Variants in TCF12 observed in about 807,000 individuals in gnomAD.
TCF12 encodes transcription factor 12.
In TCF12, 45 loss-of-function variants were observed where a neutral mutation model predicts 86.0. The observed-to-expected ratio is 0.52, with a 90% CI of 0.41 to 0.67. TCF12 has a LOEUF of 0.67. TCF12 is among the 30% of genes least tolerant of loss of function. The pLI, the probability that TCF12 is intolerant of heterozygous loss-of-function variation, is 0.00. For synonymous variants in TCF12, 330 were observed against 299.6 expected, an observed-to-expected ratio of 1.10 and a Z score of -1.05; for missense variants, 881 against 859.9, an observed-to-expected ratio of 1.02 and a Z score of -0.31.
At chr15:57,171,399 C>T (rs773094734) in intron 6 of TCF12, among the ~76,000 whole-genome samples, 17 of 151,924 alleles carry the variant, frequency 1.1e-4, no homozygotes, top group African/African-American at 1.7e-4. Context: ...AAAAAATATA[C>T]TTTAACTAAC....
chr15:57,193,144 G>T (rs956054709), intron 7 of TCF12, among the ~76,000 whole-genome samples: 1 of 152,070 alleles, frequency 6.6e-6, no homozygotes, highest in Admixed American at 6.6e-5. Context: ...AAAAACTGAG[G>T]GTCAAAAGGG....
At chr15:57,093,194 G>GAAA (rs1805855041) in intron 5 of TCF12, among the ~76,000 whole-genome samples, 4 of 151,982 alleles carry the variant, frequency 2.6e-5, no homozygotes, top group African/African-American at 9.7e-5. Flanking sequence ...ATCAGAGTTA[G>GAAA]GTTTACAATA....
chr15:57,201,644 C>T (rs1406743617), intron 8 of TCF12, among the ~76,000 whole-genome samples: 1 of 152,166 alleles, frequency 6.6e-6, no homozygotes, highest in Non-Finnish European at 1.5e-5. Context: ...TCATAGCAGT[C>T]TATCCTGGAT....
At chr15:56,968,555 A>G (rs764525156) in intron 3 of TCF12, among the ~76,000 whole-genome samples, 2 of 152,174 alleles carry the variant, frequency 1.3e-5, no homozygotes, top group Non-Finnish European at 2.9e-5. Context: ...GCTAAGAGGA[A>G]TAAGATTGCT....
At chr15:57,217,976 G>A (rs2058400817) in intron 8 of TCF12, among the ~76,000 whole-genome samples, 1 of 152,136 alleles carries the variant, frequency 6.6e-6, no homozygotes, top group African/African-American at 2.4e-5. Context: ...TGCAGCTGCT[G>A]CTTAGCCTTT....
intron 20 of TCF12, among the ~76,000 whole-genome samples, chr15:57,283,680 A>C (rs2061799495): frequency 6.6e-6 from 1 of 152,252 alleles, no homozygotes. Flanking sequence ...AACAGAAAAA[A>C]ATATCAAGTG....
At chr15:57,015,021 G>A (rs939178872) in intron 3 of TCF12, among the ~76,000 whole-genome samples, 1 of 152,070 alleles carries the variant, frequency 6.6e-6, no homozygotes, top group African/African-American at 2.4e-5. Context: ...CAGGCGTGGT[G>A]GCTCACACCT....
chr15:57,122,143 G>T (rs577305953), intron 5 of TCF12, among the ~76,000 whole-genome samples: 2 of 145,200 alleles, frequency 1.4e-5, no homozygotes, highest in East Asian at 3.9e-4. Flanking sequence ...ATGCTTCATA[G>T]TCCTGTTCAA....
intron 3 of TCF12, among the ~76,000 whole-genome samples, chr15:56,953,448 TG>T (rs1418318515): frequency 6.6e-6 from 1 of 152,084 alleles, no homozygotes; most frequent in African/African-American, 2.4e-5. Flanking sequence ...TTCTTATAGT[TG>T]GTATGTTTCT....
Position 57,063,839 on chromosome 15 carries a change from A to C in TCF12, c.222+16A>C, listed in dbSNP as rs760809068. 1 of 1,560,598 alleles carries C rather than the reference A, an allele frequency of 6.4e-7. No individual in the cohort carries two copies. Among genetic ancestry groups the C allele is most frequent in the Non-Finnish European group, 8.8e-7 (1 of 1,140,984 alleles). On this transcript the variant is annotated intron_variant, in intron 4 of 20. Transcript: ENST00000333725. ...TTCATCTAGAGTAAGTTTGCTGATC[A>C]ACCCTTGATTAAAGCTGTAATTTGG...
intron 8 of TCF12, among the ~76,000 whole-genome samples, chr15:57,199,718 C>T (rs192619457): frequency 9.9e-4 from 151 of 152,186 alleles, no homozygotes; most frequent in Middle Eastern, 3.4e-3. Flanking sequence ...TCTTTGAGAA[C>T]CATTAGGAAA....
At chr15:57,141,022 A>T (rs1017007153) in intron 5 of TCF12, among the ~76,000 whole-genome samples, 9 of 152,138 alleles carry the variant, frequency 5.9e-5, no homozygotes, top group Admixed American at 1.3e-4. Context: ...TGTGTTTTTT[A>T]AAAAAATCAG....
intron 3 of TCF12, among the ~76,000 whole-genome samples, chr15:56,959,914 T>C (rs932855120): frequency 1.3e-5 from 2 of 152,188 alleles, no homozygotes; most frequent in African/African-American, 2.4e-5. Context: ...ATTAGCAAGA[T>C]TATTGTTCCA....
chr15:56,952,266 A>G (rs574964959), intron 3 of TCF12, among the ~76,000 whole-genome samples: 13 of 150,106 alleles, frequency 8.7e-5, no homozygotes, highest in Admixed American at 1.3e-4. Flanking sequence ...TCTTGTTTTT[A>G]TGTAATATCA....
At chr15:57,239,886 C>G (rs2059541899) in intron 12 of TCF12, among the ~76,000 whole-genome samples, 1 of 152,046 alleles carries the variant, frequency 6.6e-6, no homozygotes, top group Non-Finnish European at 1.5e-5. Flanking sequence ...GAAAAGAGAT[C>G]CTGTCCAGAT....
At chr15:57,154,202 G>A (rs532994451) in intron 5 of TCF12, among the ~76,000 whole-genome samples, 15 of 152,190 alleles carry the variant, frequency 9.9e-5, no homozygotes, top group African/African-American at 3.6e-4. Flanking sequence ...TTTTCCAGTG[G>A]TTTTTGCACA....
At position 56,926,685 on chromosome 15, in the gene TCF12, T is replaced by C. The variant is rs548644393; in HGVS notation, c.148+5587T>C. ...TCCTTAATTCCTGGGGGAGCTCATA[T>C]TTACATATTATTATCTGGAGCTGGA... On this transcript the variant is annotated intron_variant, in intron 3 of 20. Transcript: ENST00000333725. 2.2e-4 allele frequency among the ~76,000 whole-genome samples: 33 copies of C among 152,326 alleles called. 1 individual carries two copies. Among genetic ancestry groups the C allele is most frequent in the Middle Eastern group, 3.4e-3 (1 of 294 alleles).
chr15:57,271,727 A>G (rs556544190), intron 18 of TCF12, among the ~76,000 whole-genome samples: 19 of 152,254 alleles, frequency 1.2e-4, no homozygotes, highest in South Asian at 1.2e-3. Context: ...CTTGGAAGCA[A>G]CCCACCTCGG....
chr15:57,107,096 C>A (rs950254127), intron 5 of TCF12, among the ~76,000 whole-genome samples: 1 of 152,118 alleles, frequency 6.6e-6, no homozygotes, highest in Admixed American at 6.5e-5. Context: ...AAAATTAATC[C>A]ACACAGTAAT....
Sources: gnomAD v4.1 joint callset for allele counts (sites outside exome capture counted in the v4.1 genomes callset) on GRCh38, gnomAD v4.1.1 for gene constraint, MANE v1.5 for transcripts, NCBI Gene and HGNC (gene_info 2026-07-23, HGNC 2026-07-21) for gene names.